Variants in ARB2A observed in about 807,000 individuals in gnomAD.
The protein encoded by ARB2A is ARB2 cotranscriptional regulator A, also known as cotranscriptional regulator ARB2A.
the ARB2A span, among the ~76,000 whole-genome samples, chr5:93,652,338 T>G: frequency 6.6e-6 from 1 of 152,182 alleles, no homozygotes; most frequent in Admixed American, 6.5e-5. Context: ...ATCACTGATT[T>G]AAACTCATTT....
the ARB2A span, among the ~76,000 whole-genome samples, chr5:93,886,913 C>A: frequency 4.6e-5 from 7 of 151,550 alleles, 1 homozygote; most frequent in Non-Finnish European, 1.0e-4. Flanking sequence ...ATAAAAATAC[C>A]ATAATATGGA....
chr5:93,976,557 T>C, the ARB2A span, among the ~76,000 whole-genome samples: 1 of 152,194 alleles, frequency 6.6e-6, no homozygotes, highest in Non-Finnish European at 1.5e-5. Context: ...TCTGTTCTCA[T>C]GATAGTGAGT....
the ARB2A span, among the ~76,000 whole-genome samples, chr5:93,686,256 T>C: frequency 1.3e-5 from 2 of 152,202 alleles, no homozygotes; most frequent in African/African-American, 4.8e-5. Flanking sequence ...GTCTCAGATA[T>C]TCAAAAGATG....
the ARB2A span, among the ~76,000 whole-genome samples, chr5:94,078,762 A>G: frequency 6.6e-6 from 1 of 152,016 alleles, no homozygotes; most frequent in Non-Finnish European, 1.5e-5. Flanking sequence ...TTGGAATGAG[A>G]AATCTAGGTT....
chr5:93,681,193 T>C, the ARB2A span, among the ~76,000 whole-genome samples: 5 of 152,132 alleles, frequency 3.3e-5, no homozygotes, highest in African/African-American at 1.2e-4. Context: ...CTATTCCCAG[T>C]TGTATAGTTT....
chr5:94,005,248 G>A, the ARB2A span, among the ~76,000 whole-genome samples: 1 of 152,080 alleles, frequency 6.6e-6, no homozygotes, highest in Admixed American at 6.5e-5. Flanking sequence ...CCATCGCCCA[G>A]GCTGGAGTGC....
chr5:93,687,508 A>G, the ARB2A span, among the ~76,000 whole-genome samples: 2 of 152,214 alleles, frequency 1.3e-5, no homozygotes, highest in African/African-American at 4.8e-5. Context: ...GGCATAGTCA[A>G]TTAATTAAAT....
the ARB2A span, among the ~76,000 whole-genome samples, chr5:93,751,305 A>C: frequency 6.6e-6 from 1 of 152,198 alleles, no homozygotes; most frequent in Non-Finnish European, 1.5e-5. Context: ...GTTTTCATTT[A>C]TTGGTACAAT....
the ARB2A span, among the ~76,000 whole-genome samples, chr5:93,694,029 G>A: frequency 6.6e-6 from 1 of 152,126 alleles, no homozygotes; most frequent in African/African-American, 2.4e-5. Flanking sequence ...ATTAGGCACT[G>A]ATGGAATGTA....
the ARB2A span, among the ~76,000 whole-genome samples, chr5:94,085,108 A>C: frequency 4.6e-5 from 7 of 152,202 alleles, no homozygotes; most frequent in Non-Finnish European, 7.4e-5. Flanking sequence ...AAAAACTAGC[A>C]TGAGATATCC....
chr5:94,046,797 G>T, the ARB2A span, among the ~76,000 whole-genome samples: 1 of 152,088 alleles, frequency 6.6e-6, no homozygotes, highest in East Asian at 1.9e-4. Flanking sequence ...TTTGGTTACA[G>T]AATCAATGAA....
chr5:93,879,863 T>G, the ARB2A span, among the ~76,000 whole-genome samples: 1 of 151,864 alleles, frequency 6.6e-6, no homozygotes, highest in Non-Finnish European at 1.5e-5. Context: ...AAGTAGGTAT[T>G]CCTTATAATT....
the ARB2A span, among the ~76,000 whole-genome samples, chr5:94,019,280 G>C: frequency 6.6e-6 from 1 of 152,104 alleles, no homozygotes; most frequent in Admixed American, 6.5e-5. Flanking sequence ...AACACCAAAA[G>C]CAATGGCAAC....
the ARB2A span, among the ~76,000 whole-genome samples, chr5:93,680,691 G>T: frequency 1.3e-5 from 2 of 152,046 alleles, no homozygotes; most frequent in African/African-American, 4.8e-5. Flanking sequence ...CTGATTATTG[G>T]GTATTTTATG....
chr5:93,851,371 T>C, the ARB2A span, among the ~76,000 whole-genome samples: 6 of 152,192 alleles, frequency 3.9e-5, no homozygotes, highest in South Asian at 2.1e-4. Context: ...TTGCTGGTCA[T>C]TGTAGTAATT....
the ARB2A span, among the ~76,000 whole-genome samples, chr5:93,816,135 G>C: frequency 1.3e-5 from 2 of 152,084 alleles, no homozygotes; most frequent in Non-Finnish European, 2.9e-5. Context: ...AAATAGCTTT[G>C]ATTGTGAATT....
chr5:93,922,966 T>C, the ARB2A span, among the ~76,000 whole-genome samples: 22 of 151,966 alleles, frequency 1.4e-4, no homozygotes, highest in African/African-American at 5.3e-4. Flanking sequence ...AAGTCAGAAA[T>C]TACCATGTAT....
the ARB2A span, chr5:93,776,008 GGATTCTAC>G: frequency 1.6e-6 from 1 of 630,258 alleles, no homozygotes; most frequent in Middle Eastern, 2.7e-4. Context: ...ATGTGATAGT[GGATTCTAC>G]CCATGCATAA....
chr5:93,653,898 T>G, the ARB2A span, among the ~76,000 whole-genome samples: 3 of 152,356 alleles, frequency 2.0e-5, no homozygotes, highest in South Asian at 2.1e-4. Flanking sequence ...TGCCAGTGAC[T>G]GGACTCACAT....
Sources: gnomAD v4.1 joint callset for allele counts (sites outside exome capture counted in the v4.1 genomes callset) on GRCh38, gnomAD v4.1.1 for gene constraint, MANE v1.5 for transcripts, NCBI Gene and HGNC (gene_info 2026-07-23, HGNC 2026-07-21) for gene names.